The following REEP2 variants were observed in gnomAD, a reference collection of about 807,000 sequenced individuals.
REEP2 encodes receptor accessory protein 2.
In REEP2, 9 loss-of-function variants were observed where a neutral mutation model predicts 32.1. The ratio of observed to expected loss-of-function variants is 0.28; its 90% CI spans 0.17 to 0.49. The LOEUF (loss-of-function observed/expected upper bound fraction) is 0.49. Ranked by LOEUF, REEP2 falls within the 20% of genes least tolerant of loss-of-function variation. REEP2 has a pLI of 0.99. For synonymous variants in REEP2, 128 were observed against 139.1 expected, an observed-to-expected ratio of 0.92 and a Z score of 0.56; for missense variants, 236 against 338.0, an observed-to-expected ratio of 0.70 and a Z score of 2.37.
chr5:138,442,810 G>A (rs554412152), intron 3 of REEP2, among the ~76,000 whole-genome samples: 74 of 150,300 alleles, frequency 4.9e-4, no homozygotes, highest in Non-Finnish European at 8.4e-4. Context: ...GCAGTGAGTC[G>A]AGATCGAGCC....
At chr5:138,445,619 T>G (rs765921964) in intron 7 of REEP2, 21 bp downstream of exon 7, 1 of 1,614,070 alleles carries the variant, frequency 6.2e-7, no homozygotes, top group South Asian at 1.1e-5. Context: ...TGGCCAGAGC[T>G]TGGGGAAACA....
At chr5:138,440,090 T>A (rs539691863) in intron 1 of REEP2, among the ~76,000 whole-genome samples, 1 of 152,348 alleles carries the variant, frequency 6.6e-6, no homozygotes, top group East Asian at 1.9e-4. Flanking sequence ...CCACACATTG[T>A]CAAGGGGCTG....
Position 138,441,184 on chromosome 5 carries a change from C to T in REEP2, c.105+96C>T. ...ACAGATGGGGGTGACTTTGCACCAA[C>T]ACTGTCAGCCACTAACAAGACCCAC... On this transcript the variant is annotated intron_variant, in intron 2 of 7. Coordinates refer to ENST00000378339, the MANE Select transcript of REEP2 (RefSeq NM_001271803.2). The surrounding 1 kb of genome is among the most constrained non-coding windows in gnomAD (Gnocchi z 4.4). 3.3e-6 allele frequency: 5 copies of T among 1,494,424 alleles called. No individual in the cohort carries two copies. The highest frequency in any genetic ancestry group is 4.6e-6 in the Non-Finnish European group (5 of 1,086,782). The allele number at this position is 1,494,424 out of a possible 1,614,324, so 92.6% of individuals were successfully genotyped here. A position where few individuals can be genotyped will look rare whatever the true frequency, so the allele number is the denominator to read the frequency against.
At chr5:138,439,384 A>C in intron 1 of REEP2, 144 bp downstream of exon 1, 5 of 798,586 alleles carry the variant, frequency 6.3e-6, no homozygotes, top group Non-Finnish European at 9.6e-6. Context: ...AGACATGGAG[A>C]TGTGGCACCC....
intron 1 of REEP2, chr5:138,440,811 G>C (rs1467826218): frequency 1.0e-6 from 1 of 991,664 alleles, no homozygotes; most frequent in Middle Eastern, 3.2e-4. Flanking sequence ...GAGAAAAACT[G>C]AACAGTGGAG....
intron 1 of REEP2, among the ~76,000 whole-genome samples, chr5:138,439,500 C>T (rs899513101): frequency 2.6e-5 from 4 of 152,200 alleles, no homozygotes; most frequent in Non-Finnish European, 5.9e-5. Context: ...GTCCTTGCTC[C>T]TGCGCCCATC....
chr5:138,442,868 A>C (rs1283796735), intron 3 of REEP2, among the ~76,000 whole-genome samples: 1 of 151,726 alleles, frequency 6.6e-6, no homozygotes, highest in East Asian at 1.9e-4. Flanking sequence ...CTCAAAAAAA[A>C]AAAAAAAAAT....
intron 5 of REEP2, 38 bp downstream of exon 5, chr5:138,444,905 C>A (rs367569689): frequency 2.5e-5 from 38 of 1,501,914 alleles, no homozygotes; most frequent in Non-Finnish European, 3.1e-5. Flanking sequence ...AGGGCCCCTA[C>A]CTTGTACAAA....
intron 3 of REEP2, among the ~76,000 whole-genome samples, chr5:138,442,730 G>T (rs759232946): frequency 2.7e-5 from 4 of 150,070 alleles, no homozygotes; most frequent in Non-Finnish European, 3.0e-5. Flanking sequence ...GCGTGGTGGC[G>T]GGTGTCTGTA....
chr5:138,441,088 T>C lies in REEP2; in HGVS notation c.105T>C (p.Tyr35=). 1.2e-6 allele frequency: 2 copies of C among 1,613,794 alleles called. No individual in the cohort carries two copies. The highest frequency in any genetic ancestry group is 1.1e-5 in the South Asian group (1 of 91,078). Residue 35 remains tyrosine, a splice_region_variant and synonymous_variant, in exon 2 of 8, where the codon TAT becomes TAC. Coordinates refer to ENST00000378339, the MANE Select transcript of REEP2 (RefSeq NM_001271803.2). This position sits in a 1 kb window ranked among gnomAD's most constrained non-coding sequence, Gnocchi z 4.4. ...KAVKTKNVKE[Y]VKWMMYWIVF... ...TGAAGACAAAAAACGTGAAGGAATATGTGAGTGGATGACCCTTCACCCCCT... is the reference window on the plus strand; with the variant it reads ...TGAAGACAAAAAACGTGAAGGAATACGTGAGTGGATGACCCTTCACCCCCT...
At position 138,445,383 on chromosome 5, in the gene REEP2, C is replaced by G. The variant is rs780793597; in HGVS notation, c.565+8C>G. The G allele has an allele frequency of 6.2e-7, 1 of 1,611,674 alleles. No homozygotes were observed. Among genetic ancestry groups the G allele is most frequent in the South Asian group, 1.1e-5 (1 of 90,810 alleles). ...ACACCATCGAGGACTTAGGTACAGG[C>G]AGGGCCCGGGGTTGGGGTGGGGCCC... is the stretch of plus-strand genomic sequence containing the variant. On this transcript the variant is annotated splice_region_variant and intron_variant, in intron 6 of 7. Transcript: ENST00000378339.
Position 138,444,434 on chromosome 5 carries a change from C to A in REEP2, c.202C>A (p.Leu68Met), listed in dbSNP as rs769491520. 1 of 1,613,914 alleles carries A rather than the reference C, an allele frequency of 6.2e-7. No individual in the cohort carries two copies. The highest frequency in any genetic ancestry group is 1.3e-5 in the African/African-American group (1 of 74,894). The change falls in exon 4 of 8, where the codon CTG becomes ATG. Residue 68 changes from leucine to methionine, a missense_variant. Transcript: ENST00000378339. ...VLSWFPFYFE[L>M]KIAFVIWLLS... ...CAACAGGTTCCCCTTCTACTTTGAA[C>A]TGAAGATCGCCTTCGTGATATGGCT...
intron 1 of REEP2, among the ~76,000 whole-genome samples, chr5:138,440,196 GCC>G (rs1216499097): frequency 1.3e-5 from 2 of 152,202 alleles, no homozygotes; most frequent in African/African-American, 4.8e-5. Flanking sequence ...GACACCGGCA[GCC>G]CCACCCTGCT....
intron 7 of REEP2, 26 bp from the exon 8 acceptor site, chr5:138,445,657 C>T (rs780135763): frequency 6.2e-7 from 1 of 1,614,094 alleles, no homozygotes; most frequent in Non-Finnish European, 8.5e-7. Context: ...CCAGGCTGAG[C>T]CCCATCTTCC....
Position 138,445,293 on chromosome 5 carries a change from C to T in REEP2, c.483C>T (p.Asp161=), listed in dbSNP as rs769190035. 20 of 1,613,544 alleles carry T rather than the reference C, an allele frequency of 1.2e-5. No individual in the cohort carries two copies. Among genetic ancestry groups the T allele is most frequent in the Middle Eastern group, 1.7e-4 (1 of 6,060 alleles). The change falls in exon 6 of 8, where the codon GAC becomes GAT. Residue 161 remains aspartate (D), a synonymous_variant. Transcript: ENST00000378339. The part of the protein sequence containing the change: ...FSMQDLTLIR[D]EDALPLQRPD... The stretch of plus-strand genomic sequence containing the variant: ...TGCAGGACCTGACCCTGATCCGGGA[C>T]GAGGACGCACTGCCCCTGCAGAGGC...
intron 1 of REEP2, 48 bp downstream of exon 1, chr5:138,439,288 G>T: frequency 7.0e-7 from 1 of 1,429,088 alleles, no homozygotes; most frequent in South Asian, 1.7e-5. Context: ...ATGGAGGGCG[G>T]GGGTGTTAAA....
In REEP2 at chr5:138,444,789, G is replaced by A; in HGVS notation, c.339G>A (p.Lys113=). ...IDEYITQARD[K]SYETMMRVGK... is the part of the protein sequence containing the mutation. ...AGTACATCACGCAGGCCCGAGACAAGAGCTATGAGACCATGATGAGGGTGG... is the reference window on the plus strand; with the variant it reads ...AGTACATCACGCAGGCCCGAGACAAAAGCTATGAGACCATGATGAGGGTGG... Residue 113 remains lysine, a synonymous_variant, in exon 5 of 8, where the codon AAG becomes AAA. Transcript: ENST00000378339. 6.2e-7 allele frequency: 1 copy of A among 1,614,086 alleles called. No homozygotes were observed. Among genetic ancestry groups the A allele is most frequent in the South Asian group, 1.1e-5 (1 of 91,076 alleles).
chr5:138,442,174 A>G lies in REEP2; in HGVS notation c.182+713A>G, dbSNP rs533971578. On this transcript the variant is annotated intron_variant, in intron 3 of 7. Transcript: ENST00000378339. ...CCAGGCTGTACTAGACTACGTATGT[A>G]TGAGCACTTTGAGGACAGGGAATAT... 2.6e-5 allele frequency among the ~76,000 whole-genome samples: 4 copies of G among 152,330 alleles called. No individual in the cohort carries two copies. The East Asian group carries it at 7.7e-4, about 29-fold the overall frequency.
chr5:138,440,614 G>C (rs1763805514), intron 1 of REEP2, among the ~76,000 whole-genome samples: 1 of 152,188 alleles, frequency 6.6e-6, no homozygotes, highest in Non-Finnish European at 1.5e-5. Context: ...CGCAGAGCCT[G>C]GCTCTGAGGG....
Sources: gnomAD v4.1 joint callset for allele counts (sites outside exome capture counted in the v4.1 genomes callset) on GRCh38, gnomAD v4.1.1 for gene constraint, Gnocchi (gnomAD v3.1) non-coding constraint, MANE v1.5 for transcripts, NCBI Gene and HGNC (gene_info 2026-07-23, HGNC 2026-07-21) for gene names.